The following PTPRR variants were observed in gnomAD, a reference collection of about 807,000 sequenced individuals.
PTPRR encodes protein tyrosine phosphatase receptor type R.
A neutral mutation model predicts 77.2 loss-of-function variants in PTPRR; 38 were observed. That is an observed-to-expected ratio of 0.49 (90% CI 0.38 to 0.65). The LOEUF is 0.65. Among genes scored for constraint, PTPRR ranks in the 30% least tolerant of loss-of-function variants. The pLI, the probability that PTPRR is intolerant of heterozygous loss-of-function variation, is 0.00. For missense variants in PTPRR, 744 were observed against 799.2 expected (o/e 0.93, Z 0.83); for synonymous variants, 299 against 283.1 (o/e 1.06, Z -0.57).
intron 13 of PTPRR, among the ~76,000 whole-genome samples, chr12:70,644,854 C>A (rs1280773369): frequency 1.3e-5 from 2 of 152,140 alleles, no homozygotes; most frequent in Non-Finnish European, 2.9e-5. Context: ...ACAGTGGAGG[C>A]AGATGATGAA....
intron 2 of PTPRR, among the ~76,000 whole-genome samples, chr12:70,892,097 A>G (rs1264282055): frequency 6.6e-6 from 1 of 152,094 alleles, no homozygotes; most frequent in African/African-American, 2.4e-5. Flanking sequence ...AACATAAGCA[A>G]TGGGATCATT....
intron 2 of PTPRR, among the ~76,000 whole-genome samples, chr12:70,835,823 G>A (rs148831191): frequency 6.6e-6 from 1 of 152,068 alleles, no homozygotes; most frequent in Admixed American, 6.6e-5. Context: ...TAATTGTTGG[G>A]GAAAGTGAGC....
At chr12:70,777,389 A>G (rs1371726010) in intron 2 of PTPRR, among the ~76,000 whole-genome samples, 1 of 152,038 alleles carries the variant, frequency 6.6e-6, no homozygotes, top group East Asian at 1.9e-4. Flanking sequence ...CTATATTATA[A>G]CATAAAATAA....
intron 6 of PTPRR, among the ~76,000 whole-genome samples, chr12:70,720,203 C>T (rs921180261): frequency 6.6e-6 from 1 of 152,180 alleles, no homozygotes; most frequent in Non-Finnish European, 1.5e-5. Context: ...GAAATAGAAA[C>T]AAGCGTGAGA....
chr12:70,704,596 T>G (rs959771067), intron 6 of PTPRR, among the ~76,000 whole-genome samples: 2 of 152,152 alleles, frequency 1.3e-5, no homozygotes, highest in African/African-American at 4.8e-5. Context: ...TTTGATTTAA[T>G]GAGTTAATTT....
chr12:70,782,242 C>G (rs569993241), intron 2 of PTPRR, among the ~76,000 whole-genome samples: 3 of 152,048 alleles, frequency 2.0e-5, no homozygotes, highest in African/African-American at 7.2e-5. Context: ...TCAGATGTTG[C>G]AGGTAGGTGA....
chr12:70,690,550 C>T (rs772002167), intron 8 of PTPRR, among the ~76,000 whole-genome samples: 5 of 152,194 alleles, frequency 3.3e-5, no homozygotes, highest in African/African-American at 1.2e-4. Context: ...TTAGAATGCA[C>T]GCAGTGATTA....
chr12:70,806,359 T>C (rs945703987), intron 2 of PTPRR, among the ~76,000 whole-genome samples: 1 of 152,126 alleles, frequency 6.6e-6, no homozygotes, highest in South Asian at 2.1e-4. Context: ...GCTTAGTAGG[T>C]GATAAGATAC....
In PTPRR at chr12:70,737,036, T is replaced by C. The variant is rs144587477; in HGVS notation, c.1007+8782A>G. ...GGGTAGCCTGTTAGTGGTGCCCAGC[T>C]GCCACTTCGCTGGAGCAGCCCCCTC... On this transcript the variant is annotated intron_variant, in intron 6 of 13. Coordinates refer to ENST00000283228, the MANE Select transcript of PTPRR (RefSeq NM_002849.4). Among the ~76,000 whole-genome samples, 1,313 of 152,328 alleles carry C rather than the reference T, an allele frequency of 8.6e-3. 17 individuals are homozygous for C. Among genetic ancestry groups the C allele is most frequent in the Non-Finnish European group, 0.012 (841 of 68,022 alleles).
At chr12:70,801,964 A>AG (rs932576621) in intron 2 of PTPRR, among the ~76,000 whole-genome samples, 9 of 152,262 alleles carry the variant, frequency 5.9e-5, no homozygotes, top group African/African-American at 1.9e-4. Context: ...GAGGGTAAAA[A>AG]CAGATGGTGC....
chr12:70,828,490 G>A (rs1485452896), intron 2 of PTPRR, among the ~76,000 whole-genome samples: 14 of 152,158 alleles, frequency 9.2e-5, no homozygotes, highest in Admixed American at 8.5e-4. Context: ...AGAATTAGAT[G>A]CATTTTGGCT....
chr12:70,734,517 A>G (rs953689607), intron 6 of PTPRR, among the ~76,000 whole-genome samples: 1 of 152,114 alleles, frequency 6.6e-6, no homozygotes, highest in Non-Finnish European at 1.5e-5. Context: ...GTTGGGGGTC[A>G]GGGTGGAAGG....
chr12:70,826,900 T>C (rs905860884), intron 2 of PTPRR, among the ~76,000 whole-genome samples: 1 of 152,208 alleles, frequency 6.6e-6, no homozygotes, highest in African/African-American at 2.4e-5. Context: ...GACACTGGCC[T>C]GCTTTCTGTC....
intron 2 of PTPRR, among the ~76,000 whole-genome samples, chr12:70,767,044 C>A (rs1212270011): frequency 6.6e-6 from 1 of 152,106 alleles, no homozygotes; most frequent in Non-Finnish European, 1.5e-5. Flanking sequence ...CAACCGGTAC[C>A]AGCCACTGCA....
chr12:70,873,010 A>T (rs899286699), intron 2 of PTPRR, among the ~76,000 whole-genome samples: 11 of 152,228 alleles, frequency 7.2e-5, no homozygotes, highest in African/African-American at 1.9e-4. Context: ...CAGAACTGAT[A>T]TTAATATCCT....
intron 2 of PTPRR, among the ~76,000 whole-genome samples, chr12:70,874,133 G>A (rs1463881643): frequency 6.6e-6 from 1 of 152,106 alleles, no homozygotes; most frequent in South Asian, 2.1e-4. Context: ...AGAACTGAAT[G>A]ATTATTAAAA....
At chr12:70,782,351 A>G (rs1351525087) in intron 2 of PTPRR, among the ~76,000 whole-genome samples, 1 of 152,166 alleles carries the variant, frequency 6.6e-6, no homozygotes, top group African/African-American at 2.4e-5. Flanking sequence ...ATATACCCAA[A>G]GGATTAAATA....
intron 3 of PTPRR, 102 bp from the exon 4 acceptor site, chr12:70,761,728 A>G (rs1890696401): frequency 4.3e-6 from 4 of 926,820 alleles, no homozygotes; most frequent in Non-Finnish European, 6.1e-6. Flanking sequence ...TCAGAATTCT[A>G]GAATCCTAAA....
At chr12:70,646,194 T>C (rs1412572965) in intron 13 of PTPRR, among the ~76,000 whole-genome samples, 1 of 152,186 alleles carries the variant, frequency 6.6e-6, no homozygotes, top group African/African-American at 2.4e-5. Flanking sequence ...AGCTTGGGCA[T>C]GAGTCAAGTG....
Sources: gnomAD v4.1 joint callset for allele counts (sites outside exome capture counted in the v4.1 genomes callset) on GRCh38, gnomAD v4.1.1 for gene constraint, MANE v1.5 for transcripts, NCBI Gene and HGNC (gene_info 2026-07-23, HGNC 2026-07-21) for gene names.